The following SFXN2 variants were observed in gnomAD, a reference collection of about 807,000 sequenced individuals.
SFXN2 encodes sideroflexin 2.
In SFXN2, 37 loss-of-function variants were observed where a neutral mutation model predicts 41.9. The ratio of observed to expected loss-of-function variants is 0.88; its 90% CI spans 0.68 to 1.16. The LOEUF is 1.16. Ranked by LOEUF, SFXN2 falls within the 50% of genes most tolerant of loss-of-function variation. The pLI, the probability that SFXN2 is intolerant of heterozygous loss-of-function variation, is 0.00. For missense variants in SFXN2, 386 were observed against 425.2 expected (o/e 0.91, Z 0.81); for synonymous variants, 150 against 156.7 (o/e 0.96, Z 0.32).
intron 1 of SFXN2, among the ~76,000 whole-genome samples, chr10:102,719,872 T>A (rs1007011846): frequency 6.6e-6 from 1 of 152,102 alleles, no homozygotes; most frequent in Non-Finnish European, 1.5e-5. Flanking sequence ...TAGAAGTAAA[T>A]CTGAAAATTA....
chr10:102,742,460 CT>C lies in SFXN2; in HGVS notation c.*4711del, dbSNP rs11390629. ...ACAGGCAGGAGCCACCGCACCTGGC[CT>C]TTTTTTTTTTTTGAGACAGGGTCTC... On this transcript the variant is annotated 3_prime_UTR_variant, in exon 12 of 12. Coordinates refer to ENST00000369893, the MANE Select transcript of SFXN2 (RefSeq NM_178858.6). 0.014 allele frequency: 2,001 copies of C among 139,406 alleles called. 18 individuals carry two copies. Among genetic ancestry groups the C allele is most frequent in the Non-Finnish European group, 0.02 (1,295 of 64,204 alleles). 8.6% of individuals were successfully genotyped at this position (139,406 alleles called of 1,614,324 possible).
At chr10:102,730,703 C>A (rs2136052127) in intron 6 of SFXN2, among the ~76,000 whole-genome samples, 1 of 152,342 alleles carries the variant, frequency 6.6e-6, no homozygotes, top group African/African-American at 2.4e-5. Context: ...GTAATCCCAG[C>A]ACTTTGGGAT....
intron 2 of SFXN2, 73 bp downstream of exon 2, chr10:102,726,870 C>T (rs1320647637): frequency 1.8e-5 from 29 of 1,593,546 alleles, no homozygotes; most frequent in South Asian, 6.7e-5. Flanking sequence ...AGGTGGAAAC[C>T]GAAGGTGAAG....
rs1456832225 is a variant in SFXN2, at chr10:102,732,882, A to G, written c.745A>G (p.Arg249Gly). 1 of 1,614,000 alleles carries G rather than the reference A, an allele frequency of 6.2e-7. No homozygotes were observed. Among genetic ancestry groups the G allele is most frequent in the Admixed American group, 1.7e-5 (1 of 59,994 alleles). ...AGTCTTGCTGCCAGTCATCATGGAA[A>G]GGCTTGAGAAATTGCACTTCATGCA... Reference protein sequence around the residue: ...GMILLPVIMERLEKLHFMQKV... With the variant: ...GMILLPVIMEGLEKLHFMQKV... Residue 249 changes from arginine to glycine, a missense_variant, in exon 9 of 12, where the codon AGG becomes GGG. Arg to Gly is a moderately radical substitution (Grantham distance 125, BLOSUM62 -2). Transcript: ENST00000369893.
chr10:102,732,944 G>C (rs900448808), intron 9 of SFXN2, 36 bp downstream of exon 9: 2 of 1,612,120 alleles, frequency 1.2e-6, no homozygotes, highest in African/African-American at 2.7e-5. Context: ...TCCCTGCCCA[G>C]AGTGCGTCCA....
rs757190056 is a variant in SFXN2, at chr10:102,732,163, C to A, written c.666C>A (p.Ala222=). Residue 222 remains alanine (A), a synonymous_variant, in exon 8 of 12, where the codon GCC becomes GCA. Transcript: ENST00000369893. ...TTTTCTGCCCTCAGAGAGCTGCGGC[C>A]ATAGGCATCACCCAAGTAGTTATTT... ...NEIGHSRRAA[A]IGITQVVISR... is the part of the protein sequence containing the mutation. 5.0e-6 allele frequency: 8 copies of A among 1,613,978 alleles called. No homozygotes were observed. In the Admixed American group the frequency reaches 1.3e-4, roughly 27 times the overall value.
Position 102,738,494 on chromosome 10 carries a change from A to C in SFXN2, c.*732A>C, listed in dbSNP as rs1199452605. Reference sequence around the variant, plus strand: ...TGTATTTTAGTGGAGACGGGGTTTCACCATGCTGGCCAGACTGGTCTCGAA... The same window carrying C: ...TGTATTTTAGTGGAGACGGGGTTTCCCCATGCTGGCCAGACTGGTCTCGAA... On this transcript the variant is annotated 3_prime_UTR_variant, in exon 12 of 12. Coordinates refer to ENST00000369893, the MANE Select transcript of SFXN2 (RefSeq NM_178858.6). 1 of 151,792 alleles carries C rather than the reference A, an allele frequency of 6.6e-6. No homozygotes were observed. Among genetic ancestry groups the C allele is most frequent in the Non-Finnish European group, 1.5e-5 (1 of 67,970 alleles). 9.4% of individuals were successfully genotyped at this position (151,792 alleles called of 1,614,324 possible).
rs1372757107 is a variant in SFXN2, at chr10:102,726,230, G to A, written c.-25-382G>A. 2.0e-5 allele frequency among the ~76,000 whole-genome samples: 3 copies of A among 152,300 alleles called. No homozygotes were observed. The East Asian group carries it at 5.8e-4, about 29-fold the overall frequency. On this transcript the variant is annotated intron_variant, in intron 1 of 11. Transcript: ENST00000369893. Reference sequence around the variant, plus strand: ...CCCAAAGTACTGGGATTACAGGCATGAGCCACTGCACCCAGCTGGCTGTTT... The same window carrying A: ...CCCAAAGTACTGGGATTACAGGCATAAGCCACTGCACCCAGCTGGCTGTTT...
chr10:102,728,721 G>A, intron 4 of SFXN2, 192 bp downstream of exon 4: 1 of 573,058 alleles, frequency 1.7e-6, no homozygotes, highest in Non-Finnish European at 3.1e-6. Flanking sequence ...TTCCAAATGT[G>A]TTTATTCATT....
chr10:102,736,520 G>A (rs1284737216), intron 11 of SFXN2, among the ~76,000 whole-genome samples: 2 of 150,422 alleles, frequency 1.3e-5, no homozygotes, highest in Admixed American at 6.7e-5. Context: ...CTCCCTGAAC[G>A]ATTCTCCTGC....
Position 102,734,201 on chromosome 10 carries a change from C to T in SFXN2, c.821+598C>T, listed in dbSNP as rs572572430. ...AGCAGTTTTACAGAAGAGATAAGAA[C>T]GAGGAGACATAGCTTTGGCTGGGAC... On this transcript the variant is annotated intron_variant, in intron 10 of 11. Coordinates refer to ENST00000369893, the MANE Select transcript of SFXN2 (RefSeq NM_178858.6). This position sits in a 1 kb window ranked among gnomAD's most constrained non-coding sequence, Gnocchi z 4.1. Among the ~76,000 whole-genome samples, 611 of 152,192 alleles carry T rather than the reference C, an allele frequency of 4.0e-3. 10 individuals carry two copies. Among genetic ancestry groups the T allele is most frequent in the African/African-American group, 0.014 (576 of 41,526 alleles).
intron 1 of SFXN2, chr10:102,717,805 G>A: frequency 1.0e-6 from 1 of 985,326 alleles, no homozygotes; most frequent in Non-Finnish European, 1.2e-6. Flanking sequence ...TTCTTCGAGG[G>A]CATGTGAAAC....
At chr10:102,721,588 T>C (rs2064509786) in intron 1 of SFXN2, among the ~76,000 whole-genome samples, 1 of 147,662 alleles carries the variant, frequency 6.8e-6, no homozygotes, top group Admixed American at 6.8e-5. Flanking sequence ...TGTTGCTATA[T>C]CTATAAATTT....
chr10:102,732,975 T>G (rs1032008159), intron 9 of SFXN2, 67 bp downstream of exon 9: 29 of 1,525,690 alleles, frequency 1.9e-5, no homozygotes, highest in Admixed American at 6.7e-5. Flanking sequence ...TCCCTAGGGA[T>G]ACCTGACCTG....
chr10:102,735,214 C>T (rs185363472), intron 10 of SFXN2, among the ~76,000 whole-genome samples: 5 of 150,032 alleles, frequency 3.3e-5, no homozygotes, highest in South Asian at 2.1e-4. Context: ...TCCTCCCCTC[C>T]ATGTCCTTCT....
Position 102,728,519 on chromosome 10 carries a change from A to G in SFXN2, c.421A>G (p.Thr141Ala). ...CACCAACAGGAATGCGGCTTCCCCC[A>G]CATCAGTCAGGTAGGAGACCTGAAC... ...NYTNRNAASP[T>A]SVRQMALSYF... The change falls in exon 4 of 12, where the codon ACA becomes GCA. Residue 141 changes from threonine to alanine, a missense_variant. Physicochemically the swap from Thr to Ala is moderately conservative, Grantham distance 58. Transcript: ENST00000369893. 3.7e-6 allele frequency: 6 copies of G among 1,613,744 alleles called. No homozygotes were observed. Among genetic ancestry groups the G allele is most frequent in the Non-Finnish European group, 5.1e-6 (6 of 1,179,804 alleles).
At chr10:102,732,830 C>T in intron 8 of SFXN2, 29 bp from the exon 9 acceptor site, 2 of 1,613,882 alleles carry the variant, frequency 1.2e-6, no homozygotes, top group Non-Finnish European at 1.7e-6. Flanking sequence ...TCCCAGCCCT[C>T]CCCTCAGCTT....
In SFXN2 at chr10:102,740,011, C is replaced by A. The variant is rs1334425028; in HGVS notation, c.*2249C>A. On this transcript the variant is annotated 3_prime_UTR_variant, in exon 12 of 12. Transcript: ENST00000369893. ...CTCTGGGCTGGAGCCTGAGAACGTG[C>A]ATTTCTAGTCATTGCCCGGTGATGC... The A allele has an allele frequency of 6.6e-6, 1 of 152,128 alleles. No individual in the cohort carries two copies. Among genetic ancestry groups the A allele is most frequent in the Non-Finnish European group, 1.5e-5 (1 of 68,034 alleles). The allele number at this position is 152,128 out of a possible 1,614,324, so 9.4% of individuals were successfully genotyped here.
chr10:102,718,026 G>A (rs962254137), intron 1 of SFXN2, among the ~76,000 whole-genome samples: 1 of 152,214 alleles, frequency 6.6e-6, no homozygotes, highest in Non-Finnish European at 1.5e-5. Flanking sequence ...TGCCCATTGG[G>A]GGACAGTGGG....
Sources: gnomAD v4.1 joint callset for allele counts (sites outside exome capture counted in the v4.1 genomes callset) on GRCh38, gnomAD v4.1.1 for gene constraint, Gnocchi (gnomAD v3.1) non-coding constraint, MANE v1.5 for transcripts, NCBI Gene and HGNC (gene_info 2026-07-23, HGNC 2026-07-21) for gene names.